The following CYRIB variants were observed in gnomAD, a reference collection of about 807,000 sequenced individuals.
CYRIB encodes the protein CYFIP related Rac1 interactor B, also known as CYFIP-related Rac1 interactor B.
CYRIB carries 8 observed loss-of-function variants against 44.2 expected under a neutral mutation model. That is an observed-to-expected ratio of 0.18 (90% CI 0.11 to 0.33). CYRIB has a LOEUF of 0.33. Ranked by LOEUF, CYRIB falls within the 10% of genes least tolerant of loss-of-function variation. The pLI, the probability that CYRIB is intolerant of heterozygous loss-of-function variation, is 1.00. For missense variants in CYRIB, 185 were observed against 382.8 expected (o/e 0.48, Z 4.31); for synonymous variants, 131 against 127.2 (o/e 1.03, Z -0.20).
intron 2 of CYRIB, among the ~76,000 whole-genome samples, chr8:129,964,640 T>C: frequency 6.6e-6 from 1 of 152,112 alleles, no homozygotes; most frequent in East Asian, 1.9e-4. Context: ...TCCCAGCACT[T>C]TGGGAGGCCA....
intron 2 of CYRIB, among the ~76,000 whole-genome samples, chr8:129,954,268 GC>G (rs2094665575): frequency 1.3e-5 from 2 of 152,068 alleles, no homozygotes; most frequent in South Asian, 4.2e-4. Flanking sequence ...TGTCCCCCAG[GC>G]TGGAGTGCAA....
intron 1 of CYRIB, among the ~76,000 whole-genome samples, chr8:129,977,689 G>C (rs923927204): frequency 6.6e-6 from 1 of 151,914 alleles, no homozygotes; most frequent in Non-Finnish European, 1.5e-5. Flanking sequence ...CCGCCACCAC[G>C]CCCGGCTAAT....
chr8:129,902,472 G>A (rs6991324), intron 2 of CYRIB, among the ~76,000 whole-genome samples: 2,662 of 152,092 alleles, frequency 0.018, 92 homozygotes, highest in African/African-American at 0.06. Context: ...CACCCACCTC[G>A]GCCTCCCAAA....
chr8:129,943,731 T>C (rs1421687406), upstream of CYRIB, among the ~76,000 whole-genome samples: 1 of 146,930 alleles, frequency 6.8e-6, no homozygotes, highest in Non-Finnish European at 1.5e-5. Flanking sequence ...CCCGAGCAGC[T>C]GGGACTACAG....
chr8:129,911,923 G>A (rs1438587208), intron 1 of CYRIB, among the ~76,000 whole-genome samples: 2 of 152,158 alleles, frequency 1.3e-5, no homozygotes, highest in East Asian at 1.9e-4. Context: ...TGGAGAGACT[G>A]TAAAATGCAT....
intron 1 of CYRIB, among the ~76,000 whole-genome samples, chr8:129,939,064 G>A (rs1346640826): frequency 3.3e-5 from 5 of 152,204 alleles, no homozygotes; most frequent in Admixed American, 1.3e-4. Context: ...CAGGTGGAAG[G>A]CGAAGTGATG....
At chr8:129,902,856 T>C (rs2135769342) in intron 2 of CYRIB, 1 of 152,320 alleles carries the variant, frequency 6.6e-6, no homozygotes, top group Admixed American at 6.5e-5. Flanking sequence ...ATGGTAACGA[T>C]TCTTTGTTTC....
At chr8:129,913,829 A>C (rs2079326386) in intron 1 of CYRIB, among the ~76,000 whole-genome samples, 1 of 152,244 alleles carries the variant, frequency 6.6e-6, no homozygotes, top group South Asian at 2.1e-4. Flanking sequence ...CTGCCAGATA[A>C]GGACTCTATA....
At chr8:129,933,368 GAGA>G (rs1211791873) in intron 1 of CYRIB, among the ~76,000 whole-genome samples, 1 of 152,116 alleles carries the variant, frequency 6.6e-6, no homozygotes, top group African/African-American at 2.4e-5. Context: ...GGTTTGCCCA[GAGA>G]AGTTCAGGGA....
intron 4 of CYRIB, among the ~76,000 whole-genome samples, chr8:129,865,592 C>T (rs569955325): frequency 6.0e-4 from 92 of 152,280 alleles, no homozygotes; most frequent in African/African-American, 2.2e-3. Context: ...GAATAATAAA[C>T]GTGTTGCAAG....
chr8:129,845,546 A>G (rs1482155942), intron 11 of CYRIB, among the ~76,000 whole-genome samples: 1 of 152,248 alleles, frequency 6.6e-6, no homozygotes, highest in Non-Finnish European at 1.5e-5. Context: ...ATGTTCATTT[A>G]GAATAGATCA....
intron 1 of CYRIB, chr8:130,004,550 G>C (rs1020547382): frequency 1.3e-5 from 2 of 152,082 alleles, no homozygotes; most frequent in African/African-American, 4.8e-5. Flanking sequence ...GTTTCTTAGT[G>C]TGGGAAAACT....
At chr8:129,959,398 A>T (rs985262045) in intron 2 of CYRIB, among the ~76,000 whole-genome samples, 16 of 152,110 alleles carry the variant, frequency 1.1e-4, no homozygotes, top group Non-Finnish European at 2.1e-4. Context: ...ACATTATGAG[A>T]ATTTACTCTG....
chr8:129,969,389 T>G (rs1467340872), intron 2 of CYRIB, among the ~76,000 whole-genome samples: 1 of 152,220 alleles, frequency 6.6e-6, no homozygotes, highest in Non-Finnish European at 1.5e-5. Context: ...TTTCCATCAA[T>G]TCTGTATTCA....
chr8:129,939,073 T>C (rs958985845), intron 1 of CYRIB, among the ~76,000 whole-genome samples: 1 of 151,930 alleles, frequency 6.6e-6, no homozygotes, highest in Non-Finnish European at 1.5e-5. Context: ...GGCGAAGTGA[T>C]GGGGAGCGAT....
chr8:129,926,649 A>C (rs2087933352), intron 1 of CYRIB, among the ~76,000 whole-genome samples: 1 of 152,358 alleles, frequency 6.6e-6, no homozygotes, highest in Non-Finnish European at 1.5e-5. Context: ...TTGCGAATTC[A>C]ACCTTGTAAC....
chr8:129,863,253 G>A (rs1216805275), intron 4 of CYRIB, among the ~76,000 whole-genome samples: 1 of 152,160 alleles, frequency 6.6e-6, no homozygotes, highest in African/African-American at 2.4e-5. Context: ...TCAGCTGGGC[G>A]CCGTGGCTCA....
In CYRIB at chr8:130,008,067, G is replaced by T. The variant is rs1452529661; in HGVS notation, c.-296+8303C>A. On this transcript the variant is annotated intron_variant, in intron 1 of 14. Transcript: ENST00000401979. ...CTACTAAAAGTACAAAAATTAGCCAGGTATGGTTGCGGGCGCCTGTAGTCC... is the reference window on the plus strand; with the variant it reads ...CTACTAAAAGTACAAAAATTAGCCATGTATGGTTGCGGGCGCCTGTAGTCC... 2.0e-5 allele frequency among the ~76,000 whole-genome samples: 3 copies of T among 152,060 alleles called. No homozygotes were observed. The East Asian group carries it at 5.8e-4, about 30-fold the overall frequency.
In CYRIB at chr8:129,996,462, G is replaced by A. The variant is rs147380224; in HGVS notation, c.-296+19908C>T. Reference sequence around the variant, plus strand: ...AGTGAAGCAGAATGGATGTCCTGAGGAAGTGCCAGTGGGAAGACCCAGGAG... The same window carrying A: ...AGTGAAGCAGAATGGATGTCCTGAGAAAGTGCCAGTGGGAAGACCCAGGAG... On this transcript the variant is annotated intron_variant, in intron 1 of 14. Transcript: ENST00000401979. 5.6e-3 allele frequency among the ~76,000 whole-genome samples: 857 copies of A among 152,324 alleles called. 3 individuals are homozygous for A. Among genetic ancestry groups the A allele is most frequent in the Middle Eastern group, 0.01 (3 of 294 alleles).
Sources: allele counts gnomAD v4.1 joint callset (sites outside exome capture counted in the v4.1 genomes callset), GRCh38; gene constraint gnomAD v4.1.1; transcripts MANE v1.5; gene names NCBI Gene and HGNC (gene_info 2026-07-23, HGNC 2026-07-21).